Variants in PTBP1 observed in about 807,000 individuals in gnomAD.
PTBP1 encodes the protein polypyrimidine tract binding protein 1.
A neutral mutation model predicts 59.8 loss-of-function variants in PTBP1; 8 were observed. That is an observed-to-expected ratio of 0.13 (90% CI 0.08 to 0.24). The LOEUF (loss-of-function observed/expected upper bound fraction) is 0.24. Among genes scored for constraint, PTBP1 ranks in the 10% least tolerant of loss-of-function variants. The pLI is 1.00. For missense variants in PTBP1, 686 were observed against 767.0 expected (o/e 0.89, Z 1.25); for synonymous variants, 490 against 320.7 (o/e 1.53, Z -5.64).
intron 13 of PTBP1, among the ~76,000 whole-genome samples, chr19:810,095 T>C (rs1052781640): frequency 6.6e-6 from 1 of 152,242 alleles, no homozygotes; most frequent in African/African-American, 2.4e-5. Context: ...TCACCTGAGG[T>C]CAGGAGTTCA....
chr19:805,719 C>A lies in PTBP1; in HGVS notation c.970+150C>A, dbSNP rs2034534307. On this transcript the variant is annotated intron_variant, in intron 9 of 14. Transcript: ENST00000356948. ...CCCGGGAGAGGGGACGCCACGTCCA[C>A]AGAGCAGGCTTGGCCAGGGCAGTGG... is the stretch of plus-strand genomic sequence containing the variant. The A allele has an allele frequency of 3.2e-5, 23 of 713,850 alleles. 1 individual carries two copies. In the South Asian group the frequency reaches 3.7e-4, roughly 12 times the overall value. 44.2% of individuals were successfully genotyped at this position (713,850 alleles called of 1,614,324 possible).
chr19:808,061 C>G lies in PTBP1; in HGVS notation c.1153+159C>G, dbSNP rs573840248. 3 of 717,384 alleles carry G rather than the reference C, an allele frequency of 4.2e-6. No individual in the cohort carries two copies. Among genetic ancestry groups the G allele is most frequent in the African/African-American group, 3.5e-5 (2 of 56,800 alleles). 44.4% of individuals were successfully genotyped at this position (717,384 alleles called of 1,614,324 possible). ...TCGGTTTGCGAATTTTATTTGGTCC[C>G]GTAGATACGTACGCATGGTTTATCG... On this transcript the variant is annotated intron_variant, in intron 11 of 14. Transcript: ENST00000356948. This position sits in a 1 kb window ranked among gnomAD's most constrained non-coding sequence, Gnocchi z 4.7.
intron 13 of PTBP1, among the ~76,000 whole-genome samples, chr19:809,354 C>T (rs531666390): frequency 6.7e-6 from 1 of 149,136 alleles, no homozygotes; most frequent in East Asian, 2.0e-4. Flanking sequence ...GATGGAGTCA[C>T]GCTCTGTCGC....
At chr19:807,788 G>A in intron 10 of PTBP1, 81 bp from the exon 11 acceptor site, 2 of 1,076,398 alleles carry the variant, frequency 1.9e-6, no homozygotes, top group African/African-American at 1.6e-5. Context: ...TGTCTTCCTC[G>A]TGTGGACGAT....
intron 2 of PTBP1, among the ~76,000 whole-genome samples, chr19:800,670 C>A (rs1044936819): frequency 6.6e-6 from 1 of 152,176 alleles, no homozygotes; most frequent in Admixed American, 6.5e-5. Context: ...CGCTGCCTGC[C>A]CCGATCTTCC....
In PTBP1 at chr19:806,398, G is replaced by A. The variant is rs753780916; in HGVS notation, c.971-10G>A. On this transcript the variant is annotated splice_polypyrimidine_tract_variant and intron_variant, in intron 9 of 14. Coordinates refer to ENST00000356948, the MANE Select transcript of PTBP1 (RefSeq NM_002819.5). ...GGCGCCGCCGCTCATCTCACCTCCT[G>A]CTTTTCCAGGCCTTTCCGTTCCGAA... 20 of 1,597,180 alleles carry A rather than the reference G, an allele frequency of 1.3e-5. No homozygotes were observed. Among genetic ancestry groups the A allele is most frequent in the South Asian group, 6.7e-5 (6 of 90,032 alleles).
chr19:797,613 G>A, intron 1 of PTBP1, 108 bp downstream of exon 1: 2 of 716,416 alleles, frequency 2.8e-6, no homozygotes, highest in Non-Finnish European at 3.8e-6. Flanking sequence ...TCGGGCGGGA[G>A]GGGGCGGCGG....
rs866302648 is a variant in PTBP1, at chr19:811,054, C to T, written c.*228C>T. 2 of 468,094 alleles carry T rather than the reference C, an allele frequency of 4.3e-6. No homozygotes were observed. The highest frequency in any genetic ancestry group is 3.9e-5 in the South Asian group (1 of 25,724). The allele number at this position is 468,094 out of a possible 1,614,324, so 29.0% of individuals were successfully genotyped here. A position where few individuals can be genotyped will look rare whatever the true frequency, so the allele number is the denominator to read the frequency against. On this transcript the variant is annotated 3_prime_UTR_variant, in exon 15 of 15. Coordinates refer to ENST00000356948, the MANE Select transcript of PTBP1 (RefSeq NM_002819.5). ...GACTGTGGCAGCGGGAGTTCCCGGC[C>T]CTCCACACCCGGGGCCAGACCCTCG...
chr19:799,671 T>G (rs1473983531), intron 2 of PTBP1, among the ~76,000 whole-genome samples: 1 of 152,250 alleles, frequency 6.6e-6, no homozygotes, highest in Non-Finnish European at 1.5e-5. Context: ...GTCTGGAATC[T>G]GAGCTGCTCT....
rs368938011 is a variant in PTBP1 at position 799,323 on chromosome 19, C to T, written c.9-90C>T. Reference sequence around the variant, plus strand: ...CTGCGGAGGTGGCAGCTGCAGGGACCTACGGGCTCTCCTGGCCCGGGGACA... The same window carrying T: ...CTGCGGAGGTGGCAGCTGCAGGGACTTACGGGCTCTCCTGGCCCGGGGACA... On this transcript the variant is annotated intron_variant, in intron 1 of 14. Coordinates refer to ENST00000356948, the MANE Select transcript of PTBP1 (RefSeq NM_002819.5). The T allele has an allele frequency of 4.1e-6, 5 of 1,233,044 alleles. No individual in the cohort carries two copies. The Admixed American group carries it at 5.0e-5, about 12-fold the overall frequency. 76.4% of individuals were successfully genotyped at this position (1,233,044 alleles called of 1,614,324 possible).
intron 9 of PTBP1, chr19:805,873 T>C (rs1302874476): frequency 4.7e-6 from 2 of 429,152 alleles, no homozygotes; most frequent in Admixed American, 4.0e-5. Flanking sequence ...GTTGGAGGGA[T>C]GTCTCTAGTA....
chr19:803,991 G>C (rs768733879), intron 3 of PTBP1, 45 bp from the exon 4 acceptor site: 1 of 1,609,998 alleles, frequency 6.2e-7, no homozygotes, highest in Non-Finnish European at 8.5e-7. Flanking sequence ...TCCTCTGTGG[G>C]CTCCTGCGAG....
Position 797,473 on chromosome 19 carries a change from C to A in PTBP1, c.-25C>A. On this transcript the variant is annotated 5_prime_UTR_variant, in exon 1 of 15. Transcript: ENST00000356948. Reference sequence around the variant, plus strand: ...TGCTATTCCGGCGCCTCCACTCCGTCCCCCGCGGGTCTGCTCTGTGTGCCA... The same window carrying A: ...TGCTATTCCGGCGCCTCCACTCCGTACCCCGCGGGTCTGCTCTGTGTGCCA... The A allele has an allele frequency of 1.9e-6, 3 of 1,596,522 alleles. No homozygotes were observed. Among genetic ancestry groups the A allele is most frequent in the Non-Finnish European group, 2.6e-6 (3 of 1,174,736 alleles).
Position 808,278 on chromosome 19 carries a change from G to C in PTBP1, c.1154-82G>C. 8.4e-7 allele frequency: 1 copy of C among 1,196,050 alleles called. No homozygotes were observed. The highest frequency in any genetic ancestry group is 1.2e-6 in the Non-Finnish European group (1 of 828,430). The allele number at this position is 1,196,050 out of a possible 1,614,324, so 74.1% of individuals were successfully genotyped here. On this transcript the variant is annotated intron_variant, in intron 11 of 14. Coordinates refer to ENST00000356948, the MANE Select transcript of PTBP1 (RefSeq NM_002819.5). The surrounding 1 kb of genome is among the most constrained non-coding windows in gnomAD (Gnocchi z 4.7). ...CGGCCGGGCTGAGCCGGGCCTTGTG[G>C]GGGTGCGCGGGGCCGGGGCTGACGG...
Position 806,519 on chromosome 19 carries a change from G to A in PTBP1, c.1082G>A (p.Gly361Glu). ...GCCATCCCGGGCCTGGCGGGGGCAG[G>A]AAATTCTGTATTGCTGGTCAGCAAC... ...RIAIPGLAGA[G>E]NSVLLVSNLN... The change falls in exon 10 of 15, where the codon GGA becomes GAA. Residue 361 changes from glycine to glutamate, a missense_variant. By Grantham distance (98) the Gly-to-Glu change is moderately conservative (BLOSUM62 -2). Transcript: ENST00000356948. The A allele has an allele frequency of 6.4e-7, 1 of 1,564,038 alleles. No homozygotes were observed. The highest frequency in any genetic ancestry group is 8.6e-7 in the Non-Finnish European group (1 of 1,158,076).
intron 14 of PTBP1, 34 bp downstream of exon 14, chr19:810,654 C>T (rs748087570): frequency 3.1e-6 from 5 of 1,612,222 alleles, no homozygotes; most frequent in Admixed American, 3.4e-5. Flanking sequence ...TGGCTCTCCC[C>T]AGGCTGCCCT....
rs756837393 is a variant in PTBP1 at position 808,806 on chromosome 19, G to A, written c.1463+44G>A. Reference sequence around the variant, plus strand: ...GGCTCATGGGGCCGGGGGCGGGCAAGGGCTCTGCTTGGCTGTCCTACCGCG... The same window carrying A: ...GGCTCATGGGGCCGGGGGCGGGCAAAGGCTCTGCTTGGCTGTCCTACCGCG... On this transcript the variant is annotated intron_variant, in intron 13 of 14. Coordinates refer to ENST00000356948, the MANE Select transcript of PTBP1 (RefSeq NM_002819.5). The surrounding 1 kb of genome is among the most constrained non-coding windows in gnomAD (Gnocchi z 4.7). 4.5e-6 allele frequency: 7 copies of A among 1,561,202 alleles called. No individual in the cohort carries two copies. In the South Asian group the frequency reaches 8.0e-5, roughly 18 times the overall value.
chr19:804,606 C>T lies in PTBP1; in HGVS notation c.510C>T (p.Ala170=), dbSNP rs1359911573. Residue 170 remains alanine, a synonymous_variant, in exon 6 of 15, where the codon GCC becomes GCT. Coordinates refer to ENST00000356948, the MANE Select transcript of PTBP1 (RefSeq NM_002819.5). ...TGGCCTTGGCTGCCTCGGCGGCGGC[C>T]GTGGACGCAGGGATGGCGATGGCCG... ...GNLALAASAA[A]VDAGMAMAGQ... 8.1e-6 allele frequency: 13 copies of T among 1,612,304 alleles called. No individual in the cohort carries two copies. Among genetic ancestry groups the T allele is most frequent in the Admixed American group, 5.0e-5 (3 of 59,996 alleles).
chr19:808,507 C>A lies in PTBP1; in HGVS notation c.1247-39C>A. ...GGGGGCAGGGGCGGGGGCTGCGTTC[C>A]CTCTCGGGCGCCTGGTCACGCGGGT... On this transcript the variant is annotated intron_variant, in intron 12 of 14. Coordinates refer to ENST00000356948, the MANE Select transcript of PTBP1 (RefSeq NM_002819.5). This position sits in a 1 kb window ranked among gnomAD's most constrained non-coding sequence, Gnocchi z 4.7. 1 of 1,558,924 alleles carries A rather than the reference C, an allele frequency of 6.4e-7. No individual in the cohort carries two copies. The highest frequency in any genetic ancestry group is 8.7e-7 in the Non-Finnish European group (1 of 1,153,348).
Sources: gnomAD v4.1 joint callset for allele counts (sites outside exome capture counted in the v4.1 genomes callset) on GRCh38, gnomAD v4.1.1 for gene constraint, Gnocchi (gnomAD v3.1) non-coding constraint, MANE v1.5 for transcripts, NCBI Gene and HGNC (gene_info 2026-07-23, HGNC 2026-07-21) for gene names.